The following COG6 variants were observed in gnomAD, a reference collection of about 807,000 sequenced individuals.
COG6 encodes conserved oligomeric Golgi complex subunit 6.
In COG6, 74 loss-of-function variants were observed where a neutral mutation model predicts 88.8. The observed-to-expected ratio is 0.83, with a 90% CI of 0.69 to 1.01. The LOEUF (loss-of-function observed/expected upper bound fraction) is 1.01, where lower values mean the gene tolerates loss of function less well. COG6 is among the 50% of genes least tolerant of loss of function. COG6 has a pLI of 0.00. For missense variants in COG6, 800 were observed against 797.9 expected (o/e 1.00, Z -0.03); for synonymous variants, 286 against 278.7 (o/e 1.03, Z -0.26).
intron 13 of COG6, among the ~76,000 whole-genome samples, chr13:39,707,522 A>T (rs1484236731): frequency 6.6e-6 from 1 of 152,176 alleles, no homozygotes; most frequent in East Asian, 1.9e-4. Context: ...TATCACCCAG[A>T]TAAGATATAA....
chr13:39,719,821 G>A lies in COG6; in HGVS notation c.1578G>A (p.Gln526=). Residue 526 remains glutamine (Q), a synonymous_variant, in exon 15 of 19, where the codon CAG becomes CAA. Transcript: ENST00000455146. ...EFTDRRLEML[Q]FQIEAHLDTL... is the part of the protein sequence containing the mutation. ...CTGACAGACGTCTGGAAATGCTACA[G>A]TTTCAGGTAAATTTTTCTATAAAAT... 1 of 1,609,368 alleles carries A rather than the reference G, an allele frequency of 6.2e-7. No homozygotes were observed. The highest frequency in any genetic ancestry group is 1.1e-5 in the South Asian group (1 of 90,980).
At chr13:39,786,109 A>G (rs1195261153) in intron 18 of COG6, among the ~76,000 whole-genome samples, 1 of 152,182 alleles carries the variant, frequency 6.6e-6, no homozygotes, top group Non-Finnish European at 1.5e-5. Context: ...CCTAGGGCTT[A>G]AAACTCCTCA....
At chr13:39,725,122 T>C (rs1879064637) in intron 17 of COG6, among the ~76,000 whole-genome samples, 1 of 151,894 alleles carries the variant, frequency 6.6e-6, no homozygotes, top group African/African-American at 2.4e-5. Flanking sequence ...ATGTATAGTG[T>C]TCATATGCAT....
chr13:39,790,398 T>C (rs73179586), exon 19 of COG6: 1 of 152,174 alleles, frequency 6.6e-6, no homozygotes, highest in Non-Finnish European at 1.5e-5. Flanking sequence ...TTCTACTTAT[T>C]ATTATTTCTG....
At chr13:39,769,641 C>A (rs116810104) in intron 18 of COG6, among the ~76,000 whole-genome samples, 1 of 152,048 alleles carries the variant, frequency 6.6e-6, no homozygotes, top group African/African-American at 2.4e-5. Flanking sequence ...GGGAAATAGT[C>A]GAATACAGTA....
Position 39,724,507 on chromosome 13 carries a change from G to A in COG6, c.1693-1G>A, listed in dbSNP as rs1434859702. ...GCTTTTTTTTTTTTTTTTTTAAATA[G>A]GGCTCTTTAGCTAATATGCCCAACC... On this transcript the variant is annotated splice_acceptor_variant, in intron 16 of 18. Transcript: ENST00000455146. LOFTEE classifies it high-confidence loss of function. 1.3e-6 allele frequency: 2 copies of A among 1,535,422 alleles called. No individual in the cohort carries two copies. The highest frequency in any genetic ancestry group is 1.8e-6 in the Non-Finnish European group (2 of 1,118,996).
chr13:39,761,332 A>G (rs753318488), intron 18 of COG6, among the ~76,000 whole-genome samples: 13 of 152,006 alleles, frequency 8.6e-5, no homozygotes, highest in Non-Finnish European at 1.9e-4. Context: ...ATTGACTTCT[A>G]TGTACAGCAG....
In COG6 at chr13:39,671,977, G is replaced by A. The variant is rs866546670; in HGVS notation, c.429-5491G>A. 1.9e-4 allele frequency among the ~76,000 whole-genome samples: 29 copies of A among 152,006 alleles called. 1 individual carries two copies. The highest frequency in any genetic ancestry group is 7.0e-4 in the African/African-American group (29 of 41,528). On this transcript the variant is annotated intron_variant, in intron 4 of 18. Transcript: ENST00000455146. ...ATTTTAACTGGATAGCAAAGGCAGT[G>A]TATTAATGCTCTTTGTACCCACTCC...
downstream of COG6, among the ~76,000 whole-genome samples, chr13:39,757,329 T>TAGTTCTGAG (rs1880869572): frequency 6.6e-6 from 1 of 152,062 alleles, no homozygotes; most frequent in Non-Finnish European, 1.5e-5. Context: ...GCAGCAAAAA[T>TAGTTCTGAG]AGTTCTGAGA....
At position 39,687,721 on chromosome 13, in the gene COG6, A is replaced by G; in HGVS notation, c.931A>G (p.Met311Val). The change falls in exon 10 of 19, where the codon ATG (methionine) becomes GTG (valine). Residue 311 changes from methionine (M) to valine (V), a missense_variant. Coordinates refer to ENST00000455146, the MANE Select transcript of COG6 (RefSeq NM_020751.3). ...AGTTTTCATTAGGTATGTAGGAGAT[A>G]TGTTGGCTTGGCTCCATCAAGCTAC... Reference protein sequence around the residue: ...SHDPLRYVGDMLAWLHQATAS... With the variant: ...SHDPLRYVGDVLAWLHQATAS... 1.2e-6 allele frequency: 2 copies of G among 1,614,074 alleles called. No homozygotes were observed. The highest frequency in any genetic ancestry group is 1.7e-6 in the Non-Finnish European group (2 of 1,179,976).
At chr13:39,760,512 T>C (rs1880977998) in intron 18 of COG6, among the ~76,000 whole-genome samples, 1 of 152,130 alleles carries the variant, frequency 6.6e-6, no homozygotes, top group South Asian at 2.1e-4. Flanking sequence ...AACATCTCAA[T>C]GTACCCTGCC....
chr13:39,752,380 G>A lies in COG6; in HGVS notation c.*1287G>A. The A allele has an allele frequency of 4.1e-6, 4 of 964,412 alleles. No individual in the cohort carries two copies. The highest frequency in any genetic ancestry group is 5.6e-6 in the Non-Finnish European group (4 of 718,508). The allele number at this position is 964,412 out of a possible 1,614,324, so 59.7% of individuals were successfully genotyped here. A position where few individuals can be genotyped will look rare whatever the true frequency, so the allele number is the denominator to read the frequency against. ...GTTTATACCTAATACAGTTCTTTTT[G>A]GAGTAAGAATGATTATATAATCGTT... On this transcript the variant is annotated 3_prime_UTR_variant, in exon 19 of 19. Transcript: ENST00000455146.
At chr13:39,772,371 G>A (rs181205607) in intron 18 of COG6, among the ~76,000 whole-genome samples, 1 of 152,286 alleles carries the variant, frequency 6.6e-6, no homozygotes, top group East Asian at 1.9e-4. Context: ...CCTATCGTGT[G>A]TCAGGCATTT....
At chr13:39,715,158 A>G (rs1878458685) in intron 13 of COG6, among the ~76,000 whole-genome samples, 1 of 152,026 alleles carries the variant, frequency 6.6e-6, no homozygotes, top group African/African-American at 2.4e-5. Context: ...CCACAGTACA[A>G]TCATCCATGT....
At chr13:39,786,610 T>C (rs1881780708) in intron 18 of COG6, among the ~76,000 whole-genome samples, 1 of 152,166 alleles carries the variant, frequency 6.6e-6, no homozygotes, top group African/African-American at 2.4e-5. Flanking sequence ...AAGATTCAAC[T>C]TTACAAAGGT....
chr13:39,664,800 T>G (rs1189896526), intron 3 of COG6, among the ~76,000 whole-genome samples: 3 of 152,222 alleles, frequency 2.0e-5, no homozygotes, highest in Non-Finnish European at 4.4e-5. Context: ...TCTTAACTTG[T>G]TTTTCCAGTG....
chr13:39,722,586 G>A (rs1372138137), intron 15 of COG6, among the ~76,000 whole-genome samples: 4 of 142,068 alleles, frequency 2.8e-5, no homozygotes, highest in Non-Finnish European at 6.1e-5. Flanking sequence ...GGAATAGAAG[G>A]AAGACCTCTA....
At chr13:39,742,331 A>T (rs1020880319) in intron 18 of COG6, among the ~76,000 whole-genome samples, 1 of 152,090 alleles carries the variant, frequency 6.6e-6, no homozygotes, top group African/African-American at 2.4e-5. Context: ...GAGTCAAGAC[A>T]CATCAGTGTG....
intron 18 of COG6, among the ~76,000 whole-genome samples, chr13:39,771,555 C>T (rs1156907735): frequency 2.6e-5 from 4 of 152,212 alleles, no homozygotes; most frequent in African/African-American, 9.6e-5. Flanking sequence ...TGGTCCTCTG[C>T]AGGAGGACAG....
Sources: gnomAD v4.1 joint callset for allele counts (sites outside exome capture counted in the v4.1 genomes callset) on GRCh38, gnomAD v4.1.1 for gene constraint, MANE v1.5 for transcripts, NCBI Gene and HGNC (gene_info 2026-07-23, HGNC 2026-07-21) for gene names.